Variants in GAREM1 observed in about 807,000 individuals in gnomAD.
The protein encoded by GAREM1 is GRB2 associated regulator of MAPK1 subtype 1, also known as GRB2-associated and regulator of MAPK protein 1.
GAREM1 carries 26 observed loss-of-function variants against 71.3 expected under a neutral mutation model. That is an observed-to-expected ratio of 0.36 (90% CI 0.27 to 0.51). The LOEUF (loss-of-function observed/expected upper bound fraction) is 0.51. GAREM1 is among the 20% of genes least tolerant of loss of function. GAREM1 has a pLI of 0.95. For missense variants in GAREM1, 1,026 were observed against 1,103.1 expected, an observed-to-expected ratio of 0.93 and a Z score of 0.99; for synonymous variants, 440 against 433.2, an observed-to-expected ratio of 1.02 and a Z score of -0.20.
At chr18:32,466,683 G>T (rs551842141) in intron 1 of GAREM1, among the ~76,000 whole-genome samples, 3 of 152,150 alleles carry the variant, frequency 2.0e-5, no homozygotes, top group African/African-American at 7.2e-5. Flanking sequence ...ATGGTTGGGG[G>T]TGGAGGATTA....
chr18:32,318,469 T>C (rs918821273), intron 2 of GAREM1, among the ~76,000 whole-genome samples: 1 of 152,110 alleles, frequency 6.6e-6, no homozygotes, highest in Non-Finnish European at 1.5e-5. Flanking sequence ...AAATGAAAAG[T>C]GGAAACAAAT....
At chr18:32,384,146 A>G (rs942800328) in intron 2 of GAREM1, among the ~76,000 whole-genome samples, 2 of 152,152 alleles carry the variant, frequency 1.3e-5, no homozygotes, top group African/African-American at 2.4e-5. Context: ...ACTACCATCA[A>G]CTGGGTCAGT....
At chr18:32,277,927 T>C (rs1357172051) in intron 4 of GAREM1, among the ~76,000 whole-genome samples, 1 of 152,232 alleles carries the variant, frequency 6.6e-6, no homozygotes, top group Non-Finnish European at 1.5e-5. Flanking sequence ...ACATAGTATC[T>C]ATGAAATAAT....
At chr18:32,457,224 AGAGTGTGTGT>A (rs1289439893) in intron 1 of GAREM1, among the ~76,000 whole-genome samples, 2 of 107,362 alleles carry the variant, frequency 1.9e-5, no homozygotes, top group African/African-American at 7.4e-5. Flanking sequence ...AGAGAGAGAG[AGAGTGTGTGT>A]GTGTGTGTGT....
chr18:32,363,968 A>C (rs1201375132), intron 2 of GAREM1, among the ~76,000 whole-genome samples: 1 of 116,776 alleles, frequency 8.6e-6, no homozygotes, highest in South Asian at 2.9e-4. Context: ...ATACATATAC[A>C]TACACAAATA....
chr18:32,389,384 G>C (rs1241828317), intron 2 of GAREM1, among the ~76,000 whole-genome samples: 1 of 152,076 alleles, frequency 6.6e-6, no homozygotes, highest in East Asian at 1.9e-4. Flanking sequence ...ACTCTGAAAG[G>C]TGTTTCTCTT....
chr18:32,462,086 G>A (rs1403408494), intron 1 of GAREM1, among the ~76,000 whole-genome samples: 13 of 152,212 alleles, frequency 8.5e-5, no homozygotes, highest in Non-Finnish European at 1.8e-4. Flanking sequence ...TACAGACAAT[G>A]TGGATACTCA....
intron 2 of GAREM1, among the ~76,000 whole-genome samples, chr18:32,368,709 C>A (rs1236178953): frequency 1.3e-5 from 2 of 152,150 alleles, no homozygotes; most frequent in Non-Finnish European, 2.9e-5. Flanking sequence ...ACAACCTTGC[C>A]CTACATACTT....
chr18:32,307,747 T>A (rs1485501380), intron 3 of GAREM1, among the ~76,000 whole-genome samples: 1 of 152,158 alleles, frequency 6.6e-6, no homozygotes, highest in African/African-American at 2.4e-5. Context: ...GGTCTTGAAC[T>A]CCTGACCTCA....
rs150778730 is a variant in GAREM1 at position 32,469,033 on chromosome 18, T to C, written c.121+1275A>G. 5.8e-5 allele frequency among the ~76,000 whole-genome samples: 8 copies of C among 137,226 alleles called. No individual in the cohort carries two copies. In the East Asian group the frequency reaches 1.9e-3, roughly 33 times the overall value. 90.0% of individuals were successfully genotyped at this position (137,226 alleles called of 152,430 possible). A position where few individuals can be genotyped will look rare whatever the true frequency, so the allele number is the denominator to read the frequency against. ...GCACTTCATTACTAGTTTTAAAACT[T>C]CCAGCTTATTCCCAATGCACCCTAC... On this transcript the variant is annotated intron_variant, in intron 1 of 5. Transcript: ENST00000269209.
Position 32,266,626 on chromosome 18 carries a change from G to A in GAREM1, c.*1245C>T, listed in dbSNP as rs929029121. On this transcript the variant is annotated 3_prime_UTR_variant, in exon 6 of 6. Transcript: ENST00000269209. ...ATAATGTATTTTCTTTGAAAGAGAG[G>A]GAAGAAGTGGTTTATGAAATAAACA... 1 of 152,118 alleles carries A rather than the reference G, an allele frequency of 6.6e-6. No individual in the cohort carries two copies. Among genetic ancestry groups the A allele is most frequent in the Non-Finnish European group, 1.5e-5 (1 of 68,018 alleles). The allele number at this position is 152,118 out of a possible 1,614,324, so 9.4% of individuals were successfully genotyped here.
At chr18:32,397,298 A>G (rs1288603911) in intron 1 of GAREM1, among the ~76,000 whole-genome samples, 1 of 152,188 alleles carries the variant, frequency 6.6e-6, no homozygotes, top group Non-Finnish European at 1.5e-5. Flanking sequence ...ATTCACATAC[A>G]ACAATATTAA....
chr18:32,287,766 C>T lies in GAREM1; in HGVS notation c.831G>A (p.Gln277=). 3 of 1,613,438 alleles carry T rather than the reference C, an allele frequency of 1.9e-6. No homozygotes were observed. The highest frequency in any genetic ancestry group is 2.5e-6 in the Non-Finnish European group (3 of 1,179,970). ...CACAGCAAACCACCACCGTCTTGGT[C>T]TGGATGTTCACAAACTTATAGCGGT... The part of the protein sequence containing the change: ...EGHRYKFVNI[Q]TKTVVVCCVL... The change falls in exon 4 of 6, where the codon CAG becomes CAA. Residue 277 remains glutamine, a synonymous_variant. Transcript: ENST00000269209. This position sits in a 1 kb window ranked among gnomAD's most constrained non-coding sequence, Gnocchi z 5.9.
At chr18:32,292,019 G>A (rs575758529) in intron 3 of GAREM1, among the ~76,000 whole-genome samples, 2 of 152,292 alleles carry the variant, frequency 1.3e-5, no homozygotes, top group South Asian at 2.1e-4. Flanking sequence ...TAATGGGATT[G>A]CTGGGTCAAA....
chr18:32,424,473 G>A (rs2048553899), intron 1 of GAREM1, among the ~76,000 whole-genome samples: 1 of 152,170 alleles, frequency 6.6e-6, no homozygotes, highest in South Asian at 2.1e-4. Context: ...TGAAAGGAAA[G>A]AATCATGACT....
chr18:32,435,807 T>C (rs1211217407), intron 1 of GAREM1, among the ~76,000 whole-genome samples: 3 of 152,122 alleles, frequency 2.0e-5, no homozygotes, highest in Admixed American at 1.3e-4. Context: ...GTGAGAAGTA[T>C]TCGTGTTTGA....
chr18:32,438,270 A>C (rs2048699384), intron 1 of GAREM1, among the ~76,000 whole-genome samples: 1 of 152,236 alleles, frequency 6.6e-6, no homozygotes, highest in African/African-American at 2.4e-5. Context: ...GTCTAAAGCT[A>C]GACTCCCATG....
chr18:32,325,423 A>C (rs995174971), intron 2 of GAREM1, among the ~76,000 whole-genome samples: 22 of 152,146 alleles, frequency 1.4e-4, no homozygotes, highest in African/African-American at 5.3e-4. Context: ...CAAATATACC[A>C]CTCTGGTGCA....
intron 1 of GAREM1, among the ~76,000 whole-genome samples, chr18:32,445,954 T>C (rs547943114): frequency 1.3e-5 from 2 of 152,242 alleles, no homozygotes; most frequent in South Asian, 4.2e-4. Flanking sequence ...GGAAGTATCA[T>C]GTTGAGGTAA....
Sources: allele counts gnomAD v4.1 joint callset (sites outside exome capture counted in the v4.1 genomes callset), GRCh38; gene constraint gnomAD v4.1.1; non-coding constraint Gnocchi (gnomAD v3.1); transcripts MANE v1.5; gene names NCBI Gene and HGNC (gene_info 2026-07-23, HGNC 2026-07-21).